Variants in CATSPERE observed in about 807,000 individuals in gnomAD.
CATSPERE encodes cation channel sperm-associated auxiliary subunit epsilon.
CATSPERE carries 93 observed loss-of-function variants against 114.1 expected under a neutral mutation model. The observed-to-expected ratio is 0.81, with a 90% CI of 0.69 to 0.97. The LOEUF (loss-of-function observed/expected upper bound fraction) is 0.97, where lower values mean the gene tolerates loss of function less well. CATSPERE is among the 50% of genes least tolerant of loss of function. The probability of loss-of-function intolerance (pLI) is 0.00; values close to 1 mark genes in which losing one functional copy is unlikely to be tolerated. For synonymous variants in CATSPERE, 341 were observed against 384.1 expected, an observed-to-expected ratio of 0.89 and a Z score of 1.31; for missense variants, 1,058 against 1,131.6, an observed-to-expected ratio of 0.93 and a Z score of 0.93.
chr1:244,587,100 C>T (rs889388617), intron 13 of CATSPERE, among the ~76,000 whole-genome samples: 3 of 152,110 alleles, frequency 2.0e-5, no homozygotes, highest in African/African-American at 7.2e-5. Context: ...TGCAACAGTT[C>T]GTTTTCCTAA....
At chr1:244,494,681 G>A (rs1672818664) in intron 6 of CATSPERE, among the ~76,000 whole-genome samples, 2 of 151,838 alleles carry the variant, frequency 1.3e-5, no homozygotes, top group Admixed American at 6.6e-5. Context: ...GAAGTGTGAT[G>A]GAAAGATATA....
chr1:244,589,915 TA>T, intron 14 of CATSPERE, among the ~76,000 whole-genome samples: 1 of 152,274 alleles, frequency 6.6e-6, no homozygotes, highest in Admixed American at 6.5e-5. Flanking sequence ...CCTGGAACCC[TA>T]AAAACTCTAA....
At chr1:244,543,180 G>T (rs1416102434) in intron 8 of CATSPERE, among the ~76,000 whole-genome samples, 2 of 152,118 alleles carry the variant, frequency 1.3e-5, no homozygotes, top group Non-Finnish European at 1.5e-5. Flanking sequence ...GGGATAATCT[G>T]CATTCCCGTG....
chr1:244,637,119 T>G (rs770186736), intron 21 of CATSPERE, among the ~76,000 whole-genome samples: 2 of 152,166 alleles, frequency 1.3e-5, no homozygotes, highest in African/African-American at 2.4e-5. Flanking sequence ...ACCTGCCATG[T>G]ACCTCAGGGG....
chr1:244,593,686 AC>A, intron 17 of CATSPERE, 108 bp downstream of exon 17: 2 of 875,752 alleles, frequency 2.3e-6, no homozygotes, highest in Non-Finnish European at 3.6e-6. Flanking sequence ...TTTAGACTCT[AC>A]TCAATATATG....
chr1:244,617,736 T>C, intron 20 of CATSPERE, 50 bp downstream of exon 20: 1 of 1,425,790 alleles, frequency 7.0e-7, no homozygotes. Context: ...CTTCAAAATC[T>C]TTATTTTTTT....
intron 21 of CATSPERE, among the ~76,000 whole-genome samples, chr1:244,639,579 G>T (rs768416637): frequency 3.3e-5 from 5 of 151,694 alleles, no homozygotes; most frequent in Middle Eastern, 3.2e-3. Context: ...AATCCCAGCT[G>T]CTTGGGAGGC....
intron 7 of CATSPERE, among the ~76,000 whole-genome samples, chr1:244,513,646 G>A (rs1676120795): frequency 6.6e-6 from 1 of 152,156 alleles, no homozygotes; most frequent in Admixed American, 6.5e-5. Flanking sequence ...CGAGCAGGGT[G>A]GATCTATCCC....
At chr1:244,627,330 G>C (rs1673331475) in intron 20 of CATSPERE, among the ~76,000 whole-genome samples, 1 of 152,104 alleles carries the variant, frequency 6.6e-6, no homozygotes, top group South Asian at 2.1e-4. Flanking sequence ...TGGCACTTTG[G>C]GAGGCCAAAG....
At chr1:244,553,945 C>G (rs973852625) in intron 9 of CATSPERE, among the ~76,000 whole-genome samples, 1 of 152,096 alleles carries the variant, frequency 6.6e-6, no homozygotes, top group African/African-American at 2.4e-5. Context: ...CTGTGCCTGG[C>G]TTATTTCACT....
At chr1:244,618,790 A>G (rs1280181363) in intron 20 of CATSPERE, among the ~76,000 whole-genome samples, 1 of 152,186 alleles carries the variant, frequency 6.6e-6, no homozygotes, top group East Asian at 1.9e-4. Flanking sequence ...TCAAAAAAAT[A>G]AAAATAAAAG....
chr1:244,457,532 T>C (rs986769107), upstream of CATSPERE: 1 of 152,184 alleles, frequency 6.6e-6, no homozygotes, highest in African/African-American at 2.4e-5. Context: ...CAGATTCAGT[T>C]GGCCTCATGC....
At chr1:244,514,573 T>TA (rs988395941) in intron 7 of CATSPERE, among the ~76,000 whole-genome samples, 2 of 152,154 alleles carry the variant, frequency 1.3e-5, no homozygotes, top group African/African-American at 4.8e-5. Context: ...CTCACGCCTG[T>TA]AATCCCAGCA....
chr1:244,474,734 C>CTTTTTT (rs1259175372), intron 2 of CATSPERE, among the ~76,000 whole-genome samples: 1 of 139,218 alleles, frequency 7.2e-6, no homozygotes, highest in African/African-American at 2.7e-5. Context: ...TTTTTTTCTT[C>CTTTTTT]TTCTTTTTTT....
chr1:244,561,184 C>T, intron 10 of CATSPERE, 39 bp downstream of exon 10: 1 of 1,330,172 alleles, frequency 7.5e-7, no homozygotes, highest in Non-Finnish European at 1.1e-6. Flanking sequence ...TTCTAGATTT[C>T]ACTATAGACA....
chr1:244,581,760 C>T (rs766528449), intron 11 of CATSPERE, 36 bp from the exon 12 acceptor site: 10 of 1,008,666 alleles, frequency 9.9e-6, no homozygotes, highest in Non-Finnish European at 1.5e-5. Context: ...CCCCAATTTC[C>T]CTGCTTTACA....
intron 5 of CATSPERE, among the ~76,000 whole-genome samples, chr1:244,485,704 T>TGG (rs1670893049): frequency 1.0e-5 from 1 of 99,104 alleles, no homozygotes; most frequent in East Asian, 4.0e-4. Context: ...TTTTTTTTGT[T>TGG]TTTTTTTTTT....
intron 8 of CATSPERE, among the ~76,000 whole-genome samples, chr1:244,538,833 G>A (rs1216684329): frequency 6.6e-6 from 1 of 152,096 alleles, no homozygotes; most frequent in Non-Finnish European, 1.5e-5. Context: ...AGACCACCTG[G>A]GATCAGTTAG....
intron 17 of CATSPERE, among the ~76,000 whole-genome samples, chr1:244,596,799 G>C (rs977394954): frequency 1.3e-5 from 2 of 150,588 alleles, no homozygotes; most frequent in African/African-American, 4.9e-5. Flanking sequence ...AAAAGAAAAT[G>C]AGTGATTGTA....
Sources: gnomAD v4.1 joint callset for allele counts (sites outside exome capture counted in the v4.1 genomes callset) on GRCh38, gnomAD v4.1.1 for gene constraint, MANE v1.5 for transcripts, NCBI Gene and HGNC (gene_info 2026-07-23, HGNC 2026-07-21) for gene names.